The following FGGY variants were observed in gnomAD, a reference collection of about 807,000 sequenced individuals.
The protein encoded by FGGY is FGGY carbohydrate kinase domain containing, also known as FGGY carbohydrate kinase domain-containing protein.
Under a neutral mutation model 71.3 loss-of-function variants are expected in FGGY, and 72 were observed. The observed-to-expected ratio is 1.01, with a 90% CI of 0.84 to 1.23. The LOEUF (loss-of-function observed/expected upper bound fraction) is 1.23, where lower values mean the gene tolerates loss of function less well. Ranked by LOEUF, FGGY falls within the 50% of genes most tolerant of loss-of-function variation. The pLI, the probability that FGGY is intolerant of heterozygous loss-of-function variation, is 0.00. For missense variants in FGGY, 668 were observed against 682.3 expected (o/e 0.98, Z 0.23); for synonymous variants, 251 against 250.3 (o/e 1.00, Z -0.02).
chr1:59,629,073 G>A (rs2096884479), intron 10 of FGGY, among the ~76,000 whole-genome samples: 1 of 152,044 alleles, frequency 6.6e-6, no homozygotes, highest in South Asian at 2.1e-4. Flanking sequence ...TCGTGGGATG[G>A]GGGGATAGGG....
chr1:59,676,200 G>A (rs537885837), intron 14 of FGGY, among the ~76,000 whole-genome samples: 1 of 152,054 alleles, frequency 6.6e-6, no homozygotes, highest in South Asian at 2.1e-4. Context: ...TGCAGGATGC[G>A]TGTTTTTATC....
chr1:59,682,736 G>A (rs2097513183), intron 14 of FGGY, among the ~76,000 whole-genome samples: 1 of 152,170 alleles, frequency 6.6e-6, no homozygotes, highest in African/African-American at 2.4e-5. Flanking sequence ...CTCAGAGGAG[G>A]GTGGGAAGGA....
chr1:59,519,452 G>A (rs994898254), intron 7 of FGGY, among the ~76,000 whole-genome samples: 22 of 152,142 alleles, frequency 1.4e-4, no homozygotes, highest in African/African-American at 5.1e-4. Flanking sequence ...CATAAAATGG[G>A]CCTAAAATTG....
At chr1:59,405,054 G>A (rs888451791) in intron 5 of FGGY, among the ~76,000 whole-genome samples, 4 of 152,302 alleles carry the variant, frequency 2.6e-5, no homozygotes, top group Non-Finnish European at 2.9e-5. Context: ...AAAGATGCTT[G>A]TTAAGCAAAA....
rs144452470 is a variant in FGGY, at chr1:59,717,762, A to G, written c.1513-40169A>G. ...CTGGCACTATGTGAAGAAGGACGGAAAAGGCAAGAATTATATGCTGATTGA... is the reference window on the plus strand; with the variant it reads ...CTGGCACTATGTGAAGAAGGACGGAGAAGGCAAGAATTATATGCTGATTGA... On this transcript the variant is annotated intron_variant, in intron 14 of 15. Coordinates refer to ENST00000303721, the MANE Select transcript of FGGY (RefSeq NM_018291.5). Among the ~76,000 whole-genome samples, 271 of 152,362 alleles carry G rather than the reference A, an allele frequency of 1.8e-3. 1 individual carries two copies. The highest frequency in any genetic ancestry group is 6.3e-3 in the African/African-American group (262 of 41,584).
chr1:59,593,072 A>G (rs1438744517), intron 8 of FGGY, among the ~76,000 whole-genome samples: 1 of 152,262 alleles, frequency 6.6e-6, no homozygotes, highest in Non-Finnish European at 1.5e-5. Context: ...ATGCTGATCT[A>G]GAGCCCAGTA....
At chr1:59,684,307 A>C (rs1232426012) in intron 14 of FGGY, among the ~76,000 whole-genome samples, 4 of 152,194 alleles carry the variant, frequency 2.6e-5, no homozygotes, top group Non-Finnish European at 5.9e-5. Flanking sequence ...TCTGTGTCTC[A>C]GAGGCCTCAC....
chr1:59,712,380 A>G (rs1175513868), intron 14 of FGGY, among the ~76,000 whole-genome samples: 1 of 152,096 alleles, frequency 6.6e-6, no homozygotes, highest in African/African-American at 2.4e-5. Context: ...CCATCAGTGG[A>G]TCTACCATTC....
chr1:59,346,764 A>T (rs1313412919), intron 4 of FGGY, among the ~76,000 whole-genome samples: 1 of 152,124 alleles, frequency 6.6e-6, no homozygotes, highest in Non-Finnish European at 1.5e-5. Flanking sequence ...ACAGAACCAG[A>T]ATTTGAACCT....
chr1:59,366,478 C>G (rs548462590), intron 4 of FGGY, among the ~76,000 whole-genome samples: 136 of 152,190 alleles, frequency 8.9e-4, no homozygotes, highest in African/African-American at 3.2e-3. Flanking sequence ...CCTTTCCCCG[C>G]TCTGAGCCCT....
intron 6 of FGGY, among the ~76,000 whole-genome samples, chr1:59,484,575 G>T (rs769353954): frequency 2.0e-5 from 3 of 152,100 alleles, no homozygotes; most frequent in African/African-American, 7.2e-5. Flanking sequence ...ATATATCCTT[G>T]TGATTGGAAA....
intron 2 of FGGY, among the ~76,000 whole-genome samples, chr1:59,322,384 A>G (rs1001995783): frequency 6.7e-6 from 1 of 150,318 alleles, no homozygotes; most frequent in African/African-American, 2.5e-5. Context: ...ATTTTGGTGC[A>G]CTCATCACCC....
chr1:59,379,941 C>A (rs533780872), intron 5 of FGGY, among the ~76,000 whole-genome samples: 1 of 152,002 alleles, frequency 6.6e-6, no homozygotes, highest in African/African-American at 2.4e-5. Flanking sequence ...TAATGCTATC[C>A]CCCGCCTCCC....
chr1:59,479,948 A>C (rs756587235), intron 6 of FGGY, among the ~76,000 whole-genome samples: 2 of 152,138 alleles, frequency 1.3e-5, no homozygotes, highest in Non-Finnish European at 2.9e-5. Flanking sequence ...CCTCTTTTCT[A>C]TATGCTGTAT....
intron 9 of FGGY, among the ~76,000 whole-genome samples, chr1:59,615,520 T>G (rs1053182883): frequency 2.5e-4 from 38 of 152,296 alleles, no homozygotes; most frequent in African/African-American, 9.1e-4. Flanking sequence ...GACTTAAATG[T>G]TAGACCTACA....
intron 14 of FGGY, among the ~76,000 whole-genome samples, chr1:59,736,998 C>T (rs2098111704): frequency 6.6e-6 from 1 of 152,234 alleles, no homozygotes; most frequent in Non-Finnish European, 1.5e-5. Context: ...ACTTGGTGCC[C>T]TGAATCCCAG....
intron 4 of FGGY, among the ~76,000 whole-genome samples, chr1:59,354,786 C>T (rs1226185821): frequency 6.6e-6 from 1 of 152,172 alleles, no homozygotes; most frequent in East Asian, 1.9e-4. Context: ...AATAGACACA[C>T]ACAAAGTAAT....
intron 5 of FGGY, among the ~76,000 whole-genome samples, chr1:59,397,023 T>C (rs1459711293): frequency 2.0e-5 from 3 of 148,382 alleles, no homozygotes; most frequent in Non-Finnish European, 4.4e-5. Context: ...GAATGCATTA[T>C]GTCTTGAGTC....
intron 8 of FGGY, among the ~76,000 whole-genome samples, chr1:59,601,070 C>T (rs2096572992): frequency 6.7e-6 from 1 of 150,192 alleles, no homozygotes; most frequent in Non-Finnish European, 1.5e-5. Context: ...GACGATAGCA[C>T]CGTCCATTTG....
Sources: gnomAD v4.1 joint callset for allele counts (sites outside exome capture counted in the v4.1 genomes callset) on GRCh38, gnomAD v4.1.1 for gene constraint, MANE v1.5 for transcripts, NCBI Gene and HGNC (gene_info 2026-07-23, HGNC 2026-07-21) for gene names.